Variants in BDH1 observed in about 807,000 individuals in gnomAD.
BDH1 encodes 3-hydroxybutyrate dehydrogenase 1.
In BDH1, 30 loss-of-function variants were observed where a neutral mutation model predicts 33.1. That is an observed-to-expected ratio of 0.91 (90% CI 0.68 to 1.23). The LOEUF (loss-of-function observed/expected upper bound fraction) is 1.23, where lower values mean the gene tolerates loss of function less well. Ranked by LOEUF, BDH1 falls within the 50% of genes most tolerant of loss-of-function variation. The pLI is 0.00. For synonymous variants in BDH1, 190 were observed against 183.6 expected (o/e 1.03, Z -0.28); for missense variants, 443 against 464.4 (o/e 0.95, Z 0.42).
At chr3:197,572,401 C>A (rs777024309) in intron 1 of BDH1, among the ~76,000 whole-genome samples, 1 of 152,158 alleles carries the variant, frequency 6.6e-6, no homozygotes, top group Non-Finnish European at 1.5e-5. Context: ...TGAATGCACA[C>A]GTACACATAG....
Position 197,516,743 on chromosome 3 carries a change from T to C in BDH1, c.410-2327A>G, listed in dbSNP as rs1371594893. Among the ~76,000 whole-genome samples the C allele has an allele frequency of 6.6e-6, 1 of 152,110 alleles. No homozygotes were observed. Among genetic ancestry groups the C allele is most frequent in the African/African-American group, 2.4e-5 (1 of 41,392 alleles). Reference sequence around the variant, plus strand: ...TTGTTAATGATTTTACTTTTGTCTGTGACTCCTCCAGCTCCTCCACCCCTC... The same window carrying C: ...TTGTTAATGATTTTACTTTTGTCTGCGACTCCTCCAGCTCCTCCACCCCTC... On this transcript the variant is annotated intron_variant, in intron 6 of 7. Transcript: ENST00000392379. The surrounding 1 kb of genome is among the most constrained non-coding windows in gnomAD (Gnocchi z 4.2).
Position 197,514,137 on chromosome 3 carries a change from G to T in BDH1, c.562+127C>A. 1 of 1,284,062 alleles carries T rather than the reference G, an allele frequency of 7.8e-7. No homozygotes were observed. The highest frequency in any genetic ancestry group is 1.1e-6 in the Non-Finnish European group (1 of 951,874). 79.5% of individuals were successfully genotyped at this position (1,284,062 alleles called of 1,614,324 possible). On this transcript the variant is annotated intron_variant, in intron 7 of 7. Transcript: ENST00000392379. The surrounding 1 kb of genome is among the most constrained non-coding windows in gnomAD (Gnocchi z 4.2). ...CACCCCAGGCCCAGCATAGTCCCTG[G>T]GATTCACGAGCTCACCTCTGCTGAG...
intron 5 of BDH1, among the ~76,000 whole-genome samples, chr3:197,527,287 G>A (rs762645549): frequency 1.6e-4 from 24 of 152,236 alleles, no homozygotes; most frequent in Non-Finnish European, 2.8e-4. Flanking sequence ...AGTGTTACGA[G>A]CAAGGGTGGT....
Position 197,562,758 on chromosome 3 carries a change from G to GA in BDH1, c.-44+10422dup, listed in dbSNP as rs560572174. Among the ~76,000 whole-genome samples the GA allele has an allele frequency of 1.3e-3, 179 of 140,708 alleles. 3 individuals are homozygous for GA. The highest frequency in any genetic ancestry group is 3.5e-3 in the African/African-American group (134 of 38,452). The allele number at this position is 140,708 out of a possible 152,430, so 92.3% of individuals were successfully genotyped here. The stretch of plus-strand genomic sequence containing the variant: ...GCCACAGCTCAATTCTTCCTTTTAA[G>GA]AAAAAAAAAAAGAAGCAGGAAACAA... On this transcript the variant is annotated intron_variant, in intron 1 of 6. Transcript: ENST00000358186.
At position 197,522,251 on chromosome 3, in the gene BDH1, G is replaced by A. The variant is rs914272750; in HGVS notation, c.409+389C>T. ...TGCTGCTCTGCCTCTCTCAATGCAC[G>A]GCTCCCTGATTTTGAACTCAGTCCT... is the stretch of plus-strand genomic sequence containing the variant. On this transcript the variant is annotated intron_variant, in intron 6 of 7. Transcript: ENST00000392379. The surrounding 1 kb of genome is among the most constrained non-coding windows in gnomAD (Gnocchi z 4.8). 3.9e-5 allele frequency among the ~76,000 whole-genome samples: 6 copies of A among 152,112 alleles called. No homozygotes were observed. The highest frequency in any genetic ancestry group is 1.2e-4 in the African/African-American group (5 of 41,412).
chr3:197,534,345 G>A (rs1373546158), intron 3 of BDH1, among the ~76,000 whole-genome samples: 1 of 152,212 alleles, frequency 6.6e-6, no homozygotes, highest in Non-Finnish European at 1.5e-5. Context: ...TCCTTCAGGG[G>A]CTGGCTTTTT....
Position 197,513,107 on chromosome 3 carries a change from A to T in BDH1, c.563-743T>A, listed in dbSNP as rs572263582. ...CTGAACCTGACTTCAGGGCTAGGATATGAGGAGAGAGTCCTGGGCACTGGG... is the reference window on the plus strand; with the variant it reads ...CTGAACCTGACTTCAGGGCTAGGATTTGAGGAGAGAGTCCTGGGCACTGGG... On this transcript the variant is annotated intron_variant, in intron 7 of 7. Coordinates refer to ENST00000392379, the MANE Select transcript of BDH1 (RefSeq NM_203314.3). Among the ~76,000 whole-genome samples, 8 of 152,292 alleles carry T rather than the reference A, an allele frequency of 5.3e-5. No individual in the cohort carries two copies. The East Asian group carries it at 1.3e-3, about 26-fold the overall frequency.
Position 197,554,900 on chromosome 3 carries a change from A to T in BDH1, c.-195-187T>A, listed in dbSNP as rs1190703480. On this transcript the variant is annotated intron_variant, in intron 1 of 7. Transcript: ENST00000392379. The surrounding 1 kb of genome is among the most constrained non-coding windows in gnomAD (Gnocchi z 4.4). Reference sequence around the variant, plus strand: ...CAGGCGCGCGTCAGCACGTAAGCAGAGCGCGAGAACGCCCGAGACGGCGGC... The same window carrying T: ...CAGGCGCGCGTCAGCACGTAAGCAGTGCGCGAGAACGCCCGAGACGGCGGC... Among the ~76,000 whole-genome samples, 2 of 152,234 alleles carry T rather than the reference A, an allele frequency of 1.3e-5. No homozygotes were observed. Among genetic ancestry groups the T allele is most frequent in the African/African-American group, 4.8e-5 (2 of 41,460 alleles).
intron 3 of BDH1, among the ~76,000 whole-genome samples, chr3:197,534,976 G>T (rs547835093): frequency 1.1e-4 from 17 of 152,256 alleles, no homozygotes; most frequent in African/African-American, 3.4e-4. Flanking sequence ...AGTGCAAAGT[G>T]CCAGCAGACT....
At chr3:197,559,555 C>A (rs530599850), upstream of BDH1, among the ~76,000 whole-genome samples, 32 of 152,304 alleles carry the variant, frequency 2.1e-4, no homozygotes, top group South Asian at 6.4e-3. Flanking sequence ...ATACACAAGT[C>A]CTTGCTCAGG....
intron 5 of BDH1, chr3:197,529,619 C>T (rs1017279224): frequency 2.1e-4 from 32 of 152,166 alleles, no homozygotes; most frequent in African/African-American, 7.7e-4. Flanking sequence ...ACATAATATA[C>T]TTCTGTATTA....
At chr3:197,533,759 GCCACTGT>G in intron 3 of BDH1, 198 bp from the exon 4 acceptor site, 1 of 584,544 alleles carries the variant, frequency 1.7e-6, no homozygotes. Context: ...GGCTATGTTT[GCCACTGT>G]CCAGGAAGAG....
chr3:197,554,133 A>C lies in BDH1; in HGVS notation c.-44+429T>G, dbSNP rs979728974. On this transcript the variant is annotated intron_variant, in intron 2 of 7. Coordinates refer to ENST00000392379, the MANE Select transcript of BDH1 (RefSeq NM_203314.3). This position sits in a 1 kb window ranked among gnomAD's most constrained non-coding sequence, Gnocchi z 4.4. ...TCGAGCCTTGCTCATCCTATACCAA[A>C]CTGACTGCATCTGACCAAGTCCTAG... 5.3e-5 allele frequency among the ~76,000 whole-genome samples: 8 copies of C among 152,090 alleles called. No homozygotes were observed. The highest frequency in any genetic ancestry group is 1.9e-4 in the African/African-American group (8 of 41,396).
intron 1 of BDH1, among the ~76,000 whole-genome samples, chr3:197,563,839 C>T (rs1430817554): frequency 2.6e-5 from 4 of 152,014 alleles, no homozygotes; most frequent in African/African-American, 9.7e-5. Context: ...CAGTGGCTCA[C>T]ACTTGTAATC....
Position 197,522,518 on chromosome 3 carries a change from G to C in BDH1, c.409+122C>G. ...TCTTCCTCCTACTGTGCAGGAGGAA[G>C]AGCCTAAACAATAAGGAAGGGAGTG... On this transcript the variant is annotated intron_variant, in intron 6 of 7. Transcript: ENST00000392379. This position sits in a 1 kb window ranked among gnomAD's most constrained non-coding sequence, Gnocchi z 4.8. 1 of 1,271,976 alleles carries C rather than the reference G, an allele frequency of 7.9e-7. No homozygotes were observed. The highest frequency in any genetic ancestry group is 1.1e-6 in the Non-Finnish European group (1 of 906,580). The allele number at this position is 1,271,976 out of a possible 1,614,324, so 78.8% of individuals were successfully genotyped here. A position where few individuals can be genotyped will look rare whatever the true frequency, so the allele number is the denominator to read the frequency against.
At position 197,543,938 on chromosome 3, in the gene BDH1, C is replaced by T. The variant is rs138007536; in HGVS notation, c.83+2423G>A. On this transcript the variant is annotated intron_variant, in intron 3 of 7. Coordinates refer to ENST00000392379, the MANE Select transcript of BDH1 (RefSeq NM_203314.3). ...GGCATTAACAGGAGAAAAGATTTCT[C>T]CTCAATAAGGAGATGTCCAAACACA... Among the ~76,000 whole-genome samples, 4 of 152,226 alleles carry T rather than the reference C, an allele frequency of 2.6e-5. No homozygotes were observed. In the East Asian group the frequency reaches 5.8e-4, roughly 22 times the overall value.
At chr3:197,531,233 TA>T (rs1238218209) in intron 5 of BDH1, among the ~76,000 whole-genome samples, 1 of 151,498 alleles carries the variant, frequency 6.6e-6, no homozygotes, top group Non-Finnish European at 1.5e-5. Context: ...CCGTCTCTAA[TA>T]AAAATACAAA....
chr3:197,545,340 A>G (rs1715983066), intron 3 of BDH1, among the ~76,000 whole-genome samples: 1 of 152,218 alleles, frequency 6.6e-6, no homozygotes, highest in African/African-American at 2.4e-5. Flanking sequence ...GATGCGGTGA[A>G]GGTTTGGGAC....
At chr3:197,569,424 A>G (rs894476241) in intron 1 of BDH1, among the ~76,000 whole-genome samples, 6 of 152,140 alleles carry the variant, frequency 3.9e-5, no homozygotes, top group Non-Finnish European at 8.8e-5. Flanking sequence ...TCAATGAGGA[A>G]AAGTTATAGG....
Sources: gnomAD v4.1 joint callset for allele counts (sites outside exome capture counted in the v4.1 genomes callset) on GRCh38, gnomAD v4.1.1 for gene constraint, Gnocchi (gnomAD v3.1) non-coding constraint, MANE v1.5 for transcripts, NCBI Gene and HGNC (gene_info 2026-07-23, HGNC 2026-07-21) for gene names.